DNAH7: variants seen among roughly 807,000 people sequenced by gnomAD.
DNAH7 encodes the protein axonemal beta dynein heavy chain 7.
DNAH7 carries 397 observed loss-of-function variants against 444.6 expected under a neutral mutation model. That is an observed-to-expected ratio of 0.89 (90% CI 0.82 to 0.97). The LOEUF is 0.97. Ranked by LOEUF, DNAH7 falls within the 50% of genes least tolerant of loss-of-function variation. The pLI, the probability that DNAH7 is intolerant of heterozygous loss-of-function variation, is 0.00. For synonymous variants in DNAH7, 1,636 were observed against 1,624.4 expected, an observed-to-expected ratio of 1.01 and a Z score of -0.17; for missense variants, 4,902 against 4,800.8, an observed-to-expected ratio of 1.02 and a Z score of -0.62.
rs1692718189 is a variant in DNAH7, at chr2:195,737,753, A to G, written c.*168T>C. ...ATTTCAGAACATTTCCTTACATTTAAGTATGAGTCATATTAAGTTTAGCTG... is the reference window on the plus strand; with the variant it reads ...ATTTCAGAACATTTCCTTACATTTAGGTATGAGTCATATTAAGTTTAGCTG... On this transcript the variant is annotated 3_prime_UTR_variant, in exon 65 of 65. Coordinates refer to ENST00000312428, the MANE Select transcript of DNAH7 (RefSeq NM_018897.3). The G allele has an allele frequency of 1.0e-5, 6 of 594,206 alleles. No individual in the cohort carries two copies. In the South Asian group the frequency reaches 1.1e-4, roughly 11 times the overall value. 36.8% of individuals were successfully genotyped at this position (594,206 alleles called of 1,614,324 possible). A position where few individuals can be genotyped will look rare whatever the true frequency, so the allele number is the denominator to read the frequency against.
At chr2:196,032,537 C>A (rs754116089) in intron 5 of DNAH7, among the ~76,000 whole-genome samples, 2 of 152,122 alleles carry the variant, frequency 1.3e-5, no homozygotes, top group African/African-American at 4.8e-5. Flanking sequence ...AAAAAGAATA[C>A]GTTCCCAAAA....
chr2:195,812,763 T>C (rs1697030604), intron 51 of DNAH7, among the ~76,000 whole-genome samples: 1 of 152,238 alleles, frequency 6.6e-6, no homozygotes, highest in Non-Finnish European at 1.5e-5. Flanking sequence ...CTAGTGTTAA[T>C]AGTCACATGT....
At chr2:195,834,810 G>A (rs933465804) in intron 47 of DNAH7, among the ~76,000 whole-genome samples, 2 of 152,090 alleles carry the variant, frequency 1.3e-5, no homozygotes, top group Non-Finnish European at 2.9e-5. Context: ...TAGGGAAAGA[G>A]GTTTGGAATA....
At chr2:195,914,023 T>G (rs1290219081) in intron 24 of DNAH7, among the ~76,000 whole-genome samples, 1 of 152,208 alleles carries the variant, frequency 6.6e-6, no homozygotes, top group African/African-American at 2.4e-5. Flanking sequence ...CGCAGATCTT[T>G]TATTAACCAT....
intron 6 of DNAH7, among the ~76,000 whole-genome samples, chr2:196,027,667 T>C (rs1695775514): frequency 6.6e-6 from 1 of 152,116 alleles, no homozygotes; most frequent in South Asian, 2.1e-4. Flanking sequence ...ATAATTATTA[T>C]AGGATAATTT....
At chr2:196,032,444 T>C (rs114794098) in intron 5 of DNAH7, among the ~76,000 whole-genome samples, 2,949 of 151,070 alleles carry the variant, frequency 0.02, 47 homozygotes, top group Non-Finnish European at 0.03. Flanking sequence ...GGTATCAGGG[T>C]TGGCAGATAC....
At chr2:195,828,816 T>A (rs1295839992) in intron 48 of DNAH7, among the ~76,000 whole-genome samples, 1 of 151,962 alleles carries the variant, frequency 6.6e-6, no homozygotes, top group Non-Finnish European at 1.5e-5. Context: ...GTGTGATGTA[T>A]CATTTTTCTG....
intron 57 of DNAH7, among the ~76,000 whole-genome samples, chr2:195,791,767 C>G (rs1467535174): frequency 6.6e-6 from 1 of 152,144 alleles, no homozygotes; most frequent in Non-Finnish European, 1.5e-5. Context: ...ATGGATGCAG[C>G]TGGAGGCCAT....
At chr2:195,827,138 C>T (rs1008295453) in intron 48 of DNAH7, among the ~76,000 whole-genome samples, 2 of 152,134 alleles carry the variant, frequency 1.3e-5, no homozygotes, top group African/African-American at 4.8e-5. Context: ...CACAGGGGTG[C>T]TGATACTAAA....
At chr2:195,955,416 T>C (rs1226867132) in intron 19 of DNAH7, among the ~76,000 whole-genome samples, 3 of 152,214 alleles carry the variant, frequency 2.0e-5, no homozygotes, top group Non-Finnish European at 4.4e-5. Context: ...CATGCTGTTT[T>C]GGTTACTGTA....
intron 33 of DNAH7, among the ~76,000 whole-genome samples, chr2:195,887,950 A>G (rs1701800313): frequency 6.6e-6 from 1 of 152,184 alleles, no homozygotes. Context: ...TGGATAATAA[A>G]TAATATTGTA....
At chr2:195,845,262 C>A in intron 46 of DNAH7, 97 bp from the exon 47 acceptor site, 5 of 960,642 alleles carry the variant, frequency 5.2e-6, no homozygotes, top group Non-Finnish European at 7.3e-6. Context: ...ATTGAGTCAA[C>A]AAACCATTGT....
chr2:195,829,702 A>G (rs1304213218), intron 48 of DNAH7, among the ~76,000 whole-genome samples: 1 of 151,998 alleles, frequency 6.6e-6, no homozygotes, highest in African/African-American at 2.4e-5. Context: ...CTTAGTTTTG[A>G]AATGTAATTA....
intron 5 of DNAH7, among the ~76,000 whole-genome samples, chr2:196,038,361 G>A (rs918463698): frequency 6.6e-6 from 1 of 152,022 alleles, no homozygotes; most frequent in Non-Finnish European, 1.5e-5. Context: ...TGAGAAAAAG[G>A]AGTCAAGCAA....
chr2:195,824,928 C>A (rs1697654550), intron 48 of DNAH7: 1 of 152,582 alleles, frequency 6.6e-6, no homozygotes, highest in Non-Finnish European at 1.5e-5. Flanking sequence ...ATTACTCTCT[C>A]TACTTCTCCC....
chr2:196,003,942 G>T (rs1467463231), intron 10 of DNAH7, among the ~76,000 whole-genome samples: 2 of 152,168 alleles, frequency 1.3e-5, no homozygotes, highest in Non-Finnish European at 2.9e-5. Context: ...GGGGAACAAA[G>T]AGCCTTCAAA....
At chr2:195,867,157 GCA>G (rs1251037924) in intron 40 of DNAH7, among the ~76,000 whole-genome samples, 1 of 151,760 alleles carries the variant, frequency 6.6e-6, no homozygotes. Context: ...AAGAATTTTG[GCA>G]CACAGTTATA....
intron 21 of DNAH7, among the ~76,000 whole-genome samples, chr2:195,931,390 G>A: frequency 6.6e-6 from 1 of 151,934 alleles, no homozygotes; most frequent in East Asian, 1.9e-4. Context: ...CACTCTGATG[G>A]TAGTTTCTTT....
chr2:195,900,786 C>A, intron 27 of DNAH7: 1 of 218,490 alleles, frequency 4.6e-6, no homozygotes, highest in Non-Finnish European at 9.2e-6. Context: ...TTTTAAATAG[C>A]TAAAAGAGAA....
Sources: allele counts gnomAD v4.1 joint callset (sites outside exome capture counted in the v4.1 genomes callset), GRCh38; gene constraint gnomAD v4.1.1; transcripts MANE v1.5; gene names NCBI Gene and HGNC (gene_info 2026-07-23, HGNC 2026-07-21).